Variants in PPM1H observed in about 807,000 individuals in gnomAD.
PPM1H encodes the protein protein phosphatase, Mg2+/Mn2+ dependent 1H.
PPM1H carries 27 observed loss-of-function variants against 54.9 expected under a neutral mutation model. That is an observed-to-expected ratio of 0.49 (90% confidence interval 0.36 to 0.68). The LOEUF is 0.68. PPM1H is among the 30% of genes least tolerant of loss of function. PPM1H has a pLI of 0.00. For missense variants in PPM1H, 596 were observed against 667.8 expected (o/e 0.89, Z 1.19); for synonymous variants, 305 against 270.8 (o/e 1.13, Z -1.24).
Position 62,673,881 on chromosome 12 carries a change from T to C in PPM1H, c.1246-6552A>G, listed in dbSNP as rs1174522804. ...GCTGGGACTACAGGTGCACACCACC[T>C]ATACTTTTTTACTTTTTGTAGAGAC... On this transcript the variant is annotated intron_variant, in intron 8 of 9. Transcript: ENST00000228705. Among the ~76,000 whole-genome samples the C allele has an allele frequency of 4.0e-5, 6 of 151,584 alleles. No individual in the cohort carries two copies. The South Asian group carries it at 6.3e-4, about 16-fold the overall frequency.
At chr12:62,682,575 C>G (rs1287588698) in intron 8 of PPM1H, among the ~76,000 whole-genome samples, 1 of 152,212 alleles carries the variant, frequency 6.6e-6, no homozygotes, top group Non-Finnish European at 1.5e-5. Context: ...GATCATAGCT[C>G]AAGGCAGCCT....
At chr12:62,874,862 G>A (rs1286223706) in intron 1 of PPM1H, among the ~76,000 whole-genome samples, 1 of 152,196 alleles carries the variant, frequency 6.6e-6, no homozygotes, top group South Asian at 2.1e-4. Context: ...GCCATTTTCA[G>A]TCTCAATACC....
chr12:62,687,168 G>A (rs2076058124), intron 8 of PPM1H, among the ~76,000 whole-genome samples: 1 of 152,248 alleles, frequency 6.6e-6, no homozygotes. Flanking sequence ...TTCCGCTGTG[G>A]AGGCTTTGCA....
chr12:62,794,314 T>A (rs534958172), intron 3 of PPM1H, among the ~76,000 whole-genome samples: 1 of 152,366 alleles, frequency 6.6e-6, no homozygotes, highest in East Asian at 1.9e-4. Context: ...AACACTAATT[T>A]ATTTATTATA....
intron 1 of PPM1H, among the ~76,000 whole-genome samples, chr12:62,854,731 G>C (rs1483793741): frequency 2.3e-4 from 35 of 152,002 alleles, no homozygotes; most frequent in Admixed American, 2.3e-3. Flanking sequence ...CAGACATTGA[G>C]AGAATATGCC....
chr12:62,824,383 A>C (rs1434198605), intron 2 of PPM1H, among the ~76,000 whole-genome samples: 1 of 152,224 alleles, frequency 6.6e-6, no homozygotes, highest in Non-Finnish European at 1.5e-5. Flanking sequence ...CTTTCTTCAC[A>C]GAATTGGAAA....
intron 4 of PPM1H, among the ~76,000 whole-genome samples, chr12:62,742,573 T>A (rs1379568347): frequency 6.6e-6 from 1 of 152,256 alleles, no homozygotes; most frequent in Non-Finnish European, 1.5e-5. Context: ...CAGTCTGTCA[T>A]CACAGGACCC....
At chr12:62,852,228 C>CAAAAAAAAA (rs59673617) in intron 1 of PPM1H, among the ~76,000 whole-genome samples, 2 of 60,406 alleles carry the variant, frequency 3.3e-5, no homozygotes, top group African/African-American at 1.2e-4. Context: ...GACTCTGTCT[C>CAAAAAAAAA]AAAAAAAAAA....
intron 1 of PPM1H, among the ~76,000 whole-genome samples, chr12:62,908,311 G>A (rs1476509304): frequency 6.6e-6 from 1 of 150,730 alleles, no homozygotes; most frequent in Non-Finnish European, 1.5e-5. Flanking sequence ...GGAGGCTGAG[G>A]CAGGAGAATC....
intron 8 of PPM1H, among the ~76,000 whole-genome samples, chr12:62,672,391 A>G (rs1266163342): frequency 1.3e-5 from 2 of 152,246 alleles, no homozygotes; most frequent in Non-Finnish European, 2.9e-5. Context: ...CACCGCTGGC[A>G]TCTTTGTTAT....
At chr12:62,809,647 C>T (rs185826253) in intron 2 of PPM1H, among the ~76,000 whole-genome samples, 6 of 152,252 alleles carry the variant, frequency 3.9e-5, no homozygotes, top group East Asian at 1.9e-4. Context: ...CTGAAACCTG[C>T]GATTTCACTG....
rs6144736 is a variant in PPM1H, at chr12:62,884,501, C to CAAAAAA, written c.245+49985_245+49990dup. Among the ~76,000 whole-genome samples, 154 of 89,906 alleles carry CAAAAAA rather than the reference C, an allele frequency of 1.7e-3. 1 individual carries two copies. The highest frequency in any genetic ancestry group is 5.4e-3 in the African/African-American group (137 of 25,240). The allele number at this position is 89,906 out of a possible 152,430, so 59.0% of individuals were successfully genotyped here. A position where few individuals can be genotyped will look rare whatever the true frequency, so the allele number is the denominator to read the frequency against. ...GGGCAACAAGAATGAAACTCCATAT[C>CAAAAAA]AAAAAAAAAAAAAAAAAGAAAGAAA... On this transcript the variant is annotated intron_variant, in intron 1 of 9. Transcript: ENST00000228705.
chr12:62,871,800 G>A (rs1239836622), intron 1 of PPM1H, among the ~76,000 whole-genome samples: 5 of 152,084 alleles, frequency 3.3e-5, no homozygotes, highest in Non-Finnish European at 7.4e-5. Context: ...ACAGGTGTGA[G>A]CCACCATGCC....
chr12:62,674,444 T>C (rs2075974716), intron 8 of PPM1H, among the ~76,000 whole-genome samples: 1 of 152,146 alleles, frequency 6.6e-6, no homozygotes, highest in South Asian at 2.1e-4. Context: ...ATATGACACT[T>C]ATGACAAGAA....
At chr12:62,764,343 G>A (rs1231507054) in intron 4 of PPM1H, among the ~76,000 whole-genome samples, 1 of 152,178 alleles carries the variant, frequency 6.6e-6, no homozygotes, top group East Asian at 1.9e-4. Context: ...AGTGAGTGGA[G>A]ATCATGGCTG....
At chr12:62,799,605 T>G (rs1159168623) in intron 3 of PPM1H, among the ~76,000 whole-genome samples, 1 of 152,210 alleles carries the variant, frequency 6.6e-6, no homozygotes, top group Non-Finnish European at 1.5e-5. Context: ...ACACCACGAC[T>G]GAGTGGGAGT....
At chr12:62,819,344 G>A (rs189383698) in intron 2 of PPM1H, among the ~76,000 whole-genome samples, 1 of 151,494 alleles carries the variant, frequency 6.6e-6, no homozygotes, top group East Asian at 1.9e-4. Context: ...GGCCAGGCTT[G>A]TCTTGAACTC....
In PPM1H at chr12:62,843,090, C is replaced by T. The variant is rs145977626; in HGVS notation, c.246-10811G>A. ...CAGCACTTTGGGAGGCTGAGGCCGG[C>T]GGATTGCTTGAGGTCAGGAGTTTGA... is the stretch of plus-strand genomic sequence containing the variant. On this transcript the variant is annotated intron_variant, in intron 1 of 9. Transcript: ENST00000228705. Among the ~76,000 whole-genome samples the T allele has an allele frequency of 2.1e-3, 325 of 152,194 alleles. 1 individual carries two copies. Among genetic ancestry groups the T allele is most frequent in the African/African-American group, 7.3e-3 (302 of 41,528 alleles).
chr12:62,716,495 T>C (rs2076235164), intron 6 of PPM1H, among the ~76,000 whole-genome samples: 1 of 152,212 alleles, frequency 6.6e-6, no homozygotes, highest in African/African-American at 2.4e-5. Flanking sequence ...CAACTAGGCA[T>C]TTACTACAAG....
Sources: gnomAD v4.1 joint callset for allele counts (sites outside exome capture counted in the v4.1 genomes callset) on GRCh38, gnomAD v4.1.1 for gene constraint, MANE v1.5 for transcripts, NCBI Gene and HGNC (gene_info 2026-07-23, HGNC 2026-07-21) for gene names.